HNRNPUL1: variants seen among roughly 807,000 people sequenced by gnomAD.
HNRNPUL1 encodes the protein heterogeneous nuclear ribonucleoprotein U like 1.
Under a neutral mutation model 108.5 loss-of-function variants are expected in HNRNPUL1, and 14 were observed. That is an observed-to-expected ratio of 0.13 (90% CI 0.09 to 0.20). The LOEUF is 0.20. Ranked by LOEUF, HNRNPUL1 falls within the 10% of genes least tolerant of loss-of-function variation. The pLI is 1.00. For synonymous variants in HNRNPUL1, 422 were observed against 445.2 expected (o/e 0.95, Z 0.66); for missense variants, 804 against 1,168.3 (o/e 0.69, Z 4.55).
chr19:41,277,033 G>A (rs1429814059), intron 5 of HNRNPUL1, among the ~76,000 whole-genome samples: 2 of 149,716 alleles, frequency 1.3e-5, no homozygotes, highest in Non-Finnish European at 2.9e-5. Flanking sequence ...AGAGGCAGAG[G>A]TTGCAGTGAG....
Position 41,303,878 on chromosome 19 carries a change from C to CATGCCGGCTCACAGTAGTCACCA in HNRNPUL1, c.1973-92_1973-70dup, listed in dbSNP as rs2037385901. ...CTTGAGTTCTTGCTCTGCGCCTGGC[C>CATGCCGGCTCACAGTAGTCACCA]ATGCCGGCTCACAGTAGTCACCAAG... On this transcript the variant is annotated intron_variant, in intron 12 of 14. Coordinates refer to ENST00000392006, the MANE Select transcript of HNRNPUL1 (RefSeq NM_007040.6). 3 of 1,465,842 alleles carry CATGCCGGCTCACAGTAGTCACCA rather than the reference C, an allele frequency of 2.0e-6. No homozygotes were observed. In the East Asian group the frequency reaches 6.8e-5, roughly 33 times the overall value. The allele number at this position is 1,465,842 out of a possible 1,614,324, so 90.8% of individuals were successfully genotyped here. A position where few individuals can be genotyped will look rare whatever the true frequency, so the allele number is the denominator to read the frequency against.
intron 7 of HNRNPUL1, among the ~76,000 whole-genome samples, chr19:41,283,658 G>A (rs895324132): frequency 2.6e-5 from 4 of 152,286 alleles, no homozygotes; most frequent in African/African-American, 9.6e-5. Context: ...GTTTCGCCGT[G>A]TTGGCTAGGC....
chr19:41,275,702 G>A (rs2035509214), intron 4 of HNRNPUL1, among the ~76,000 whole-genome samples: 1 of 152,186 alleles, frequency 6.6e-6, no homozygotes, highest in Admixed American at 6.5e-5. Context: ...GAGAGGTTGA[G>A]GGGTGTGCTG....
At position 41,264,544 on chromosome 19, in the gene HNRNPUL1, A is replaced by C; in HGVS notation, c.41A>C (p.Glu14Ala). 2 of 1,499,596 alleles carry C rather than the reference A, an allele frequency of 1.3e-6. No individual in the cohort carries two copies. Among genetic ancestry groups the C allele is most frequent in the Non-Finnish European group, 8.9e-7 (1 of 1,126,576 alleles). 92.9% of individuals were successfully genotyped at this position (1,499,596 alleles called of 1,614,324 possible). A position where few individuals can be genotyped will look rare whatever the true frequency, so the allele number is the denominator to read the frequency against. The stretch of plus-strand genomic sequence containing the variant: ...CTGAAGGTGAACGAACTTCGCGAGG[A>C]GCTGCAGCGCCGCGGCCTGGACACT... ...RRLKVNELREELQRRGLDTRG... is the reference protein window; with the variant it reads ...RRLKVNELREALQRRGLDTRG... Residue 14 changes from glutamate (E) to alanine (A), a missense_variant, in exon 1 of 15, where the codon GAG (glutamate) becomes GCG (alanine). Coordinates refer to ENST00000392006, the MANE Select transcript of HNRNPUL1 (RefSeq NM_007040.6).
At chr19:41,277,103 AAAAAACAAAAAAAC>A (rs1379171112) in intron 5 of HNRNPUL1, among the ~76,000 whole-genome samples, 1 of 147,634 alleles carries the variant, frequency 6.8e-6, no homozygotes, top group Non-Finnish European at 1.5e-5. Flanking sequence ...TCTCAAAAAA[AAAAAACAAAAAAAC>A]AAAAACAAAA....
At chr19:41,291,120 G>C (rs2036551960) in intron 7 of HNRNPUL1, among the ~76,000 whole-genome samples, 1 of 152,176 alleles carries the variant, frequency 6.6e-6, no homozygotes, top group Admixed American at 6.5e-5. Flanking sequence ...AAATGAATGT[G>C]GTCCCTGCAT....
At position 41,301,724 on chromosome 19, in the gene HNRNPUL1, C is replaced by T; in HGVS notation, c.1687+20C>T. 6.2e-7 allele frequency: 1 copy of T among 1,601,262 alleles called. No homozygotes were observed. Among genetic ancestry groups the T allele is most frequent in the Non-Finnish European group, 8.5e-7 (1 of 1,173,532 alleles). The stretch of plus-strand genomic sequence containing the variant: ...TGAAAGGTAGGAAATGAGTGCTTCC[C>T]AGAGGAACGTCAATGCAGGGTCCTG... On this transcript the variant is annotated intron_variant, in intron 11 of 14. Transcript: ENST00000392006.
Position 41,278,058 on chromosome 19 carries a change from T to G in HNRNPUL1, c.787-1019T>G, listed in dbSNP as rs1355681632. On this transcript the variant is annotated intron_variant, in intron 5 of 14. Coordinates refer to ENST00000392006, the MANE Select transcript of HNRNPUL1 (RefSeq NM_007040.6). ...CTTGTTTTTTGTTTGTTTGATTGTT[T>G]GTTTTGTTTGTTTTGTTTTGTTGAC... is the stretch of plus-strand genomic sequence containing the variant. 2.0e-5 allele frequency among the ~76,000 whole-genome samples: 3 copies of G among 152,008 alleles called. No individual in the cohort carries two copies. In the East Asian group the frequency reaches 5.8e-4, roughly 29 times the overall value.
intron 5 of HNRNPUL1, 95 bp from the exon 6 acceptor site, chr19:41,278,982 A>G (rs1883289073): frequency 1.1e-6 from 1 of 875,560 alleles, no homozygotes; most frequent in South Asian, 1.4e-5. Flanking sequence ...AGCCATTGCT[A>G]TTTTTTAATG....
chr19:41,281,774 A>G (rs2035912871), intron 7 of HNRNPUL1, among the ~76,000 whole-genome samples: 1 of 152,176 alleles, frequency 6.6e-6, no homozygotes, highest in Non-Finnish European at 1.5e-5. Flanking sequence ...TTGCTGCCAT[A>G]CTTCAGTCTT....
At chr19:41,286,996 A>ATG (rs1320955885) in intron 7 of HNRNPUL1, among the ~76,000 whole-genome samples, 1 of 148,520 alleles carries the variant, frequency 6.7e-6, no homozygotes, top group Non-Finnish European at 1.5e-5. Context: ...GGGATTATAG[A>ATG]TGTGAGCCAC....
rs772785793 is a variant in HNRNPUL1, at chr19:41,304,188, A to G, written c.2189A>G (p.Asn730Ser). 1 of 1,614,086 alleles carries G rather than the reference A, an allele frequency of 6.2e-7. No homozygotes were observed. Among genetic ancestry groups the G allele is most frequent in the South Asian group, 1.1e-5 (1 of 91,080 alleles). ...ARNPPGASTY[N>S]KNSNIPGSSA... is the part of the protein sequence containing the mutation. ...AACCCCCCAGGGGCCAGCACCTACA[A>G]TAAGAACAGCAACATCCCTGGCTCA... The change falls in exon 13 of 15, where the codon AAT (asparagine) becomes AGT (serine). Residue 730 changes from asparagine to serine, a missense_variant. Asn to Ser is a conservative substitution (Grantham distance 46, BLOSUM62 1). Coordinates refer to ENST00000392006, the MANE Select transcript of HNRNPUL1 (RefSeq NM_007040.6).
In HNRNPUL1 at chr19:41,292,157, C is replaced by T; in HGVS notation, c.1000-88C>T. 7.4e-7 allele frequency: 1 copy of T among 1,356,952 alleles called. No individual in the cohort carries two copies. The highest frequency in any genetic ancestry group is 1.0e-6 in the Non-Finnish European group (1 of 962,660). The allele number at this position is 1,356,952 out of a possible 1,614,324, so 84.1% of individuals were successfully genotyped here. ...TTCAATCTGGAAAGCTGTCCACATTCTACTCCCTGCATCTACTGTCCTCAC... is the reference window on the plus strand; with the variant it reads ...TTCAATCTGGAAAGCTGTCCACATTTTACTCCCTGCATCTACTGTCCTCAC... On this transcript the variant is annotated intron_variant, in intron 7 of 14. Coordinates refer to ENST00000392006, the MANE Select transcript of HNRNPUL1 (RefSeq NM_007040.6). This position sits in a 1 kb window ranked among gnomAD's most constrained non-coding sequence, Gnocchi z 4.1.
chr19:41,285,994 C>T (rs1340666125), intron 7 of HNRNPUL1, among the ~76,000 whole-genome samples: 1 of 152,074 alleles, frequency 6.6e-6, no homozygotes, highest in Non-Finnish European at 1.5e-5. Context: ...CATAAGGAAA[C>T]CCTGTCTTTA....
chr19:41,282,608 T>C (rs2035963185), intron 7 of HNRNPUL1, among the ~76,000 whole-genome samples: 1 of 152,230 alleles, frequency 6.6e-6, no homozygotes, highest in South Asian at 2.1e-4. Context: ...ATGTTTATGG[T>C]GTACATACAC....
At chr19:41,303,030 CTG>C in intron 12 of HNRNPUL1, 81 bp downstream of exon 12, 10 of 1,397,440 alleles carry the variant, frequency 7.2e-6, no homozygotes, top group Non-Finnish European at 9.6e-6. Context: ...CAATCAGCAA[CTG>C]AAGTTTTCTG....
At chr19:41,287,719 C>G (rs573215283) in intron 7 of HNRNPUL1, among the ~76,000 whole-genome samples, 1 of 152,128 alleles carries the variant, frequency 6.6e-6, no homozygotes, top group East Asian at 1.9e-4. Flanking sequence ...GCCACCACAC[C>G]TGGCTAATTT....
chr19:41,265,123 T>G, intron 1 of HNRNPUL1: 6 of 1,409,366 alleles, frequency 4.3e-6, no homozygotes, highest in East Asian at 2.8e-5. Context: ...GAACAAGAGG[T>G]TTTCCGTTTG....
At chr19:41,265,892 G>A (rs1294759508) in intron 1 of HNRNPUL1, among the ~76,000 whole-genome samples, 1 of 152,074 alleles carries the variant, frequency 6.6e-6, no homozygotes, top group African/African-American at 2.4e-5. Context: ...AAAGAAACCT[G>A]TTGACTTCAC....
Sources: allele counts gnomAD v4.1 joint callset (sites outside exome capture counted in the v4.1 genomes callset), GRCh38; gene constraint gnomAD v4.1.1; non-coding constraint Gnocchi (gnomAD v3.1); transcripts MANE v1.5; gene names NCBI Gene and HGNC (gene_info 2026-07-23, HGNC 2026-07-21).